Variants in ANK3 observed in about 807,000 individuals in gnomAD.
ANK3 encodes the protein ankyrin-3.
Under a neutral mutation model 370.9 loss-of-function variants are expected in ANK3, and 57 were observed. The observed-to-expected ratio is 0.15, with a 90% CI of 0.12 to 0.19. The LOEUF (loss-of-function observed/expected upper bound fraction) is 0.19. Ranked by LOEUF, ANK3 falls within the 10% of genes least tolerant of loss-of-function variation. The pLI is 1.00. For missense variants in ANK3, 4,439 were observed against 5,302.1 expected, an observed-to-expected ratio of 0.84 and a Z score of 5.06; for synonymous variants, 1,929 against 1,946.3, an observed-to-expected ratio of 0.99 and a Z score of 0.23.
At chr10:60,422,936 G>A (rs1350615551) in intron 2 of ANK3, among the ~76,000 whole-genome samples, 1 of 151,932 alleles carries the variant, frequency 6.6e-6, no homozygotes, top group Non-Finnish European at 1.5e-5. Flanking sequence ...TGCTTTCCAC[G>A]GCATTTCACA....
chr10:60,371,301 A>G (rs2060081818), intron 1 of ANK3, among the ~76,000 whole-genome samples: 1 of 152,140 alleles, frequency 6.6e-6, no homozygotes, highest in Admixed American at 6.6e-5. Flanking sequence ...CTGCAAATCA[A>G]AACCACAATG....
At chr10:60,524,770 T>C (rs1347138837) in intron 2 of ANK3, among the ~76,000 whole-genome samples, 1 of 151,952 alleles carries the variant, frequency 6.6e-6, no homozygotes, top group Non-Finnish European at 1.5e-5. Flanking sequence ...GATACTGAGA[T>C]TGGGGTCAAG....
intron 2 of ANK3, among the ~76,000 whole-genome samples, chr10:60,435,768 G>T (rs930376186): frequency 6.6e-6 from 1 of 152,174 alleles, no homozygotes; most frequent in Admixed American, 6.5e-5. Context: ...TGGAATATTT[G>T]TCCTTTTGTG....
chr10:60,492,299 C>T (rs1414544075), intron 2 of ANK3, among the ~76,000 whole-genome samples: 1 of 152,160 alleles, frequency 6.6e-6, no homozygotes, highest in East Asian at 1.9e-4. Context: ...CCATGATTCC[C>T]TCATCCTCAG....
chr10:60,361,159 T>G (rs568047916), intron 1 of ANK3, among the ~76,000 whole-genome samples: 1 of 152,266 alleles, frequency 6.6e-6, no homozygotes, highest in Non-Finnish European at 1.5e-5. Context: ...TCTTCTGGGG[T>G]TTTCTTTTCT....
intron 4 of ANK3, among the ~76,000 whole-genome samples, chr10:60,271,387 T>G (rs2097981207): frequency 6.6e-6 from 1 of 152,026 alleles, no homozygotes; most frequent in African/African-American, 2.4e-5. Flanking sequence ...TTTTATTTTT[T>G]ATAGAGACTG....
intron 1 of ANK3, among the ~76,000 whole-genome samples, chr10:60,641,474 C>G (rs2078631687): frequency 6.6e-6 from 1 of 151,150 alleles, no homozygotes; most frequent in Non-Finnish European, 1.5e-5. Context: ...AGAAATAACG[C>G]CGCATATCTA....
At chr10:60,307,771 C>CA (rs1222319935) in intron 1 of ANK3, among the ~76,000 whole-genome samples, 3 of 151,858 alleles carry the variant, frequency 2.0e-5, no homozygotes, top group East Asian at 1.9e-4. Context: ...TTTATATGAC[C>CA]AAAAAAACCC....
chr10:60,433,524 C>T (rs997491857), intron 2 of ANK3, among the ~76,000 whole-genome samples: 7 of 152,048 alleles, frequency 4.6e-5, no homozygotes, highest in Non-Finnish European at 1.0e-4. Context: ...ATCCAGGAGG[C>T]AGAGGTTGCA....
At chr10:60,164,590 G>T (rs1234422167) in intron 23 of ANK3, among the ~76,000 whole-genome samples, 2 of 151,818 alleles carry the variant, frequency 1.3e-5, no homozygotes, top group Admixed American at 6.6e-5. Flanking sequence ...ATACTACATA[G>T]AATGTAGTCT....
intron 1 of ANK3, among the ~76,000 whole-genome samples, chr10:60,632,932 T>C: frequency 6.6e-6 from 1 of 152,094 alleles, no homozygotes; most frequent in East Asian, 1.9e-4. Flanking sequence ...ATTCTTGCTT[T>C]GATAGCTGAC....
chr10:60,081,813 CT>C (rs200967032), intron 35 of ANK3: 1 of 98,074 alleles, frequency 1.0e-5, no homozygotes, highest in Admixed American at 2.6e-4. Flanking sequence ...CCTGGTCCTA[CT>C]CTTTTCCCCC....
chr10:60,114,239 G>A lies in ANK3; in HGVS notation c.2934C>T (p.Ser978=), dbSNP rs1167713353. ...AGGTTACTTACCCAGAATGAATGGG[G>A]CTTGAAACAAGATTGACATTGTCTA... ...DTLDNVNLVS[S]PIHSGFLVSF... The change falls in exon 26 of 44, where the codon AGC becomes AGT. Residue 978 remains serine, a synonymous_variant. Coordinates refer to ENST00000280772, the MANE Select transcript of ANK3 (RefSeq NM_020987.5). 1.2e-6 allele frequency: 2 copies of A among 1,602,234 alleles called. No homozygotes were observed. The highest frequency in any genetic ancestry group is 1.7e-6 in the Non-Finnish European group (2 of 1,173,698).
intron 2 of ANK3, among the ~76,000 whole-genome samples, chr10:60,612,852 C>T (rs939975489): frequency 3.3e-5 from 5 of 152,150 alleles, no homozygotes; most frequent in African/African-American, 1.2e-4. Context: ...CTTCTGGCAT[C>T]ACGGGCACAG....
At chr10:60,104,429 G>GAA (rs2091890054) in intron 28 of ANK3, among the ~76,000 whole-genome samples, 2 of 121,210 alleles carry the variant, frequency 1.7e-5, no homozygotes, top group African/African-American at 2.9e-5. Flanking sequence ...GAAAAGAAAA[G>GAA]AAGTAGACCT....
chr10:60,524,810 C>T (rs543850663), intron 2 of ANK3, among the ~76,000 whole-genome samples: 6 of 152,052 alleles, frequency 3.9e-5, no homozygotes, highest in South Asian at 4.2e-4. Flanking sequence ...ACTCCCACGA[C>T]GACACATGTA....
chr10:60,356,332 A>G (rs2057741300), intron 1 of ANK3, among the ~76,000 whole-genome samples: 1 of 152,186 alleles, frequency 6.6e-6, no homozygotes, highest in Non-Finnish European at 1.5e-5. Flanking sequence ...GTATCTATAT[A>G]CTGGATTCAG....
At chr10:60,459,361 CG>C (rs1292889553) in intron 2 of ANK3, among the ~76,000 whole-genome samples, 6 of 152,096 alleles carry the variant, frequency 3.9e-5, no homozygotes, top group Admixed American at 1.3e-4. Context: ...TCTGGCAGGT[CG>C]GGGACACTGC....
At chr10:60,326,881 T>C (rs2050018455) in intron 1 of ANK3, among the ~76,000 whole-genome samples, 1 of 65,708 alleles carries the variant, frequency 1.5e-5, no homozygotes, top group African/African-American at 4.7e-5. Context: ...ATTAGTCGGG[T>C]GCGGTGCGGG....
Sources: allele counts gnomAD v4.1 joint callset (sites outside exome capture counted in the v4.1 genomes callset), GRCh38; gene constraint gnomAD v4.1.1; transcripts MANE v1.5; gene names NCBI Gene and HGNC (gene_info 2026-07-23, HGNC 2026-07-21).